The following GNE variants were observed in gnomAD, a reference collection of about 807,000 sequenced individuals.
GNE encodes bifunctional UDP-N-acetylglucosamine 2-epimerase/N-acetylmannosamine kinase.
GNE carries 41 observed loss-of-function variants against 61.8 expected under a neutral mutation model. The ratio of observed to expected loss-of-function variants is 0.66; its 90% CI spans 0.52 to 0.86. GNE has a LOEUF of 0.86. GNE is among the 40% of genes least tolerant of loss of function. The pLI is 0.00. For missense variants in GNE, 608 were observed against 909.1 expected (o/e 0.67, Z 4.26); for synonymous variants, 264 against 326.4 (o/e 0.81, Z 2.06).
intron 3 of GNE, among the ~76,000 whole-genome samples, chr9:36,244,997 G>C (rs1281412177): frequency 6.6e-6 from 1 of 150,778 alleles, no homozygotes. Context: ...AGAAAATCAG[G>C]CCAGGCACGG....
In GNE at chr9:36,239,077, T is replaced by A. The variant is rs928744695; in HGVS notation, c.617-2093A>T. Among the ~76,000 whole-genome samples the A allele has an allele frequency of 3.3e-5, 5 of 152,188 alleles. No homozygotes were observed. In the South Asian group the frequency reaches 6.2e-4, roughly 19 times the overall value. On this transcript the variant is annotated intron_variant, in intron 3 of 11. Coordinates refer to ENST00000642385, the MANE Select transcript of GNE (RefSeq NM_005476.7). ...TTTATTTCTGGGTTCTCTATTCTGTTCCATTGGTCTATATGCCTATTTTTG... is the reference window on the plus strand; with the variant it reads ...TTTATTTCTGGGTTCTCTATTCTGTACCATTGGTCTATATGCCTATTTTTG...
chr9:36,260,295 AAAAG>A (rs1383436449), upstream of GNE, among the ~76,000 whole-genome samples: 23 of 149,734 alleles, frequency 1.5e-4, no homozygotes, highest in East Asian at 3.9e-4. Context: ...AAAAAAAAAA[AAAAG>A]AAAGAAAGAA....
At chr9:36,272,557 C>T (rs1831067641) in intron 1 of GNE, among the ~76,000 whole-genome samples, 1 of 132,534 alleles carries the variant, frequency 7.5e-6, no homozygotes, top group African/African-American at 2.9e-5. Context: ...GGAGGCGGAG[C>T]TTGCAGTGAG....
At chr9:36,232,077 A>G (rs548079196) in intron 5 of GNE, among the ~76,000 whole-genome samples, 44 of 152,162 alleles carry the variant, frequency 2.9e-4, no homozygotes, top group East Asian at 7.7e-4. Flanking sequence ...TCTTTCTCCA[A>G]TTCTTCATAA....
Position 36,236,906 on chromosome 9 carries a change from A to G in GNE, c.695T>C (p.Met232Thr), listed in dbSNP as rs761468890. 6.2e-7 allele frequency: 1 copy of G among 1,612,932 alleles called. No individual in the cohort carries two copies. The highest frequency in any genetic ancestry group is 1.1e-5 in the South Asian group (1 of 91,070). The part of the protein sequence containing the change: ...VTTDIKHSIK[M>T]FELTLDALIS... ...AAGTGCATCCAATGTTAATTCAAAC[A>G]TTTTTATGGAATGCTTAATGTCAGT... The change falls in exon 4 of 12, where the codon ATG becomes ACG. Residue 232 changes from methionine to threonine, a missense_variant. Coordinates refer to ENST00000642385, the MANE Select transcript of GNE (RefSeq NM_005476.7).
intron 1 of GNE, among the ~76,000 whole-genome samples, chr9:36,275,648 T>C (rs560882082): frequency 1.3e-5 from 2 of 152,248 alleles, no homozygotes; most frequent in South Asian, 2.1e-4. Flanking sequence ...CTTTCATAAC[T>C]AGAAACAACC....
chr9:36,233,803 A>G, intron 5 of GNE, 117 bp downstream of exon 5: 1 of 832,054 alleles, frequency 1.2e-6, no homozygotes, highest in Non-Finnish European at 2.1e-6. Flanking sequence ...ACTGGTTATT[A>G]ACCTCATTCA....
At chr9:36,244,195 G>T (rs1013491416) in intron 3 of GNE, among the ~76,000 whole-genome samples, 11 of 152,056 alleles carry the variant, frequency 7.2e-5, no homozygotes, top group African/African-American at 2.7e-4. Context: ...TAACTCCTAG[G>T]CTCAAGCAAT....
At chr9:36,228,457 G>A (rs1828991472) in intron 6 of GNE, among the ~76,000 whole-genome samples, 1 of 151,968 alleles carries the variant, frequency 6.6e-6, no homozygotes, top group African/African-American at 2.4e-5. Flanking sequence ...GCCAAAGAAG[G>A]TTAAATAAGT....
intron 3 of GNE, 99 bp downstream of exon 3, chr9:36,245,932 A>C (rs1829851417): frequency 1.1e-6 from 1 of 947,926 alleles, no homozygotes; most frequent in Non-Finnish European, 1.7e-6. Flanking sequence ...CATTGCTAAC[A>C]GAGTATTCTA....
intron 1 of GNE, among the ~76,000 whole-genome samples, chr9:36,252,820 C>A (rs1830162352): frequency 3.1e-5 from 2 of 64,174 alleles, no homozygotes; most frequent in South Asian, 7.5e-4. Context: ...TAGTTCTTTT[C>A]CCTGGAAGCA....
intron 1 of GNE, among the ~76,000 whole-genome samples, chr9:36,268,148 A>G (rs866161671): frequency 1.3e-5 from 2 of 151,990 alleles, no homozygotes; most frequent in Admixed American, 1.3e-4. Flanking sequence ...CAAAAAAAAA[A>G]GTATCATATT....
At chr9:36,248,549 C>T (rs927578625) in intron 2 of GNE, among the ~76,000 whole-genome samples, 1 of 151,152 alleles carries the variant, frequency 6.6e-6, no homozygotes, top group African/African-American at 2.4e-5. Flanking sequence ...GTCTCAAATT[C>T]CTGACCTCAG....
At chr9:36,268,736 G>T (rs1830902100) in intron 1 of GNE, among the ~76,000 whole-genome samples, 1 of 152,136 alleles carries the variant, frequency 6.6e-6, no homozygotes, top group Non-Finnish European at 1.5e-5. Context: ...AAGATCAACA[G>T]CACTGAATAT....
intron 1 of GNE, among the ~76,000 whole-genome samples, chr9:36,275,739 A>G (rs1484645290): frequency 1.3e-5 from 2 of 152,194 alleles, no homozygotes; most frequent in African/African-American, 4.8e-5. Flanking sequence ...CTGACCTTGA[A>G]TTTCAATTTA....
At position 36,246,496 on chromosome 9, in the gene GNE, G is replaced by A; in HGVS notation, c.165-14C>T. 6.3e-7 allele frequency: 1 copy of A among 1,587,264 alleles called. No homozygotes were observed. Among genetic ancestry groups the A allele is most frequent in the Non-Finnish European group, 8.6e-7 (1 of 1,157,712 alleles). Reference sequence around the variant, plus strand: ...CGATATGTATTTCTAAAGCCGGGGAGAAATAAAGATATAAGAACATGTTCT... The same window carrying A: ...CGATATGTATTTCTAAAGCCGGGGAAAAATAAAGATATAAGAACATGTTCT... On this transcript the variant is annotated splice_polypyrimidine_tract_variant and intron_variant, in intron 2 of 11. Coordinates refer to ENST00000642385, the MANE Select transcript of GNE (RefSeq NM_005476.7).
At chr9:36,220,770 A>C (rs545193881) in intron 9 of GNE, among the ~76,000 whole-genome samples, 1 of 152,356 alleles carries the variant, frequency 6.6e-6, no homozygotes, top group South Asian at 2.1e-4. Flanking sequence ...ATGTCTAAAA[A>C]TCTGTGATTC....
intron 1 of GNE, among the ~76,000 whole-genome samples, chr9:36,256,239 C>CTTTTTTTTTTTTTTTTTTTT (rs34215482): frequency 1.8e-5 from 1 of 55,980 alleles, no homozygotes; most frequent in African/African-American, 6.9e-5. Context: ...AAACCCAATT[C>CTTTTTTTTTTTTTTTTTTTT]TTTTTTTTTT....
intron 5 of GNE, 118 bp downstream of exon 5, chr9:36,233,802 T>C (rs1829277675): frequency 3.6e-6 from 3 of 832,234 alleles, no homozygotes; most frequent in Non-Finnish European, 4.2e-6. Context: ...AACTGGTTAT[T>C]AACCTCATTC....
Sources: gnomAD v4.1 joint callset for allele counts (sites outside exome capture counted in the v4.1 genomes callset) on GRCh38, gnomAD v4.1.1 for gene constraint, MANE v1.5 for transcripts, NCBI Gene and HGNC (gene_info 2026-07-23, HGNC 2026-07-21) for gene names.